The following KNL1 variants were observed in gnomAD, a reference collection of about 807,000 sequenced individuals.
The protein encoded by KNL1 is outer kinetochore KNL1 complex subunit KNL1.
In KNL1, 66 loss-of-function variants were observed where a neutral mutation model predicts 201.3. The observed-to-expected ratio is 0.33, with a 90% CI of 0.27 to 0.40. The LOEUF (loss-of-function observed/expected upper bound fraction) is 0.40, where lower values mean the gene tolerates loss of function less well. KNL1 is among the 10% of genes least tolerant of loss of function. KNL1 has a pLI of 1.00. For synonymous variants in KNL1, 895 were observed against 899.2 expected (o/e 1.00, Z 0.08); for missense variants, 2,815 against 2,690.5 (o/e 1.05, Z -1.02).
chr15:40,607,040 G>C (rs757263404), intron 4 of KNL1, among the ~76,000 whole-genome samples: 1 of 152,204 alleles, frequency 6.6e-6, no homozygotes, highest in Non-Finnish European at 1.5e-5. Context: ...CATTACAGGC[G>C]TGAGCCACTG....
intron 13 of KNL1, among the ~76,000 whole-genome samples, chr15:40,631,525 G>C (rs759239480): frequency 6.6e-6 from 1 of 151,872 alleles, no homozygotes; most frequent in Non-Finnish European, 1.5e-5. Flanking sequence ...ATGTTGCCCA[G>C]ACTGGTCTTG....
At chr15:40,599,547 C>T (rs536582595) in intron 1 of KNL1, among the ~76,000 whole-genome samples, 1 of 151,348 alleles carries the variant, frequency 6.6e-6, no homozygotes, top group East Asian at 2.0e-4. Context: ...CCATACCCGG[C>T]TAAGTTTTGT....
At chr15:40,659,297 A>G (rs781176192) in intron 24 of KNL1, 42 bp from the exon 25 acceptor site, 64 of 1,496,016 alleles carry the variant, frequency 4.3e-5, no homozygotes, top group Non-Finnish European at 5.7e-5. Context: ...GTTTCATGCT[A>G]TTATTTGTTG....
chr15:40,637,323 C>CTT lies in KNL1; in HGVS notation c.5683-3579_5683-3578dup, dbSNP rs71307495. On this transcript the variant is annotated intron_variant, in intron 13 of 25. Coordinates refer to ENST00000399668, the MANE Select transcript of KNL1 (RefSeq NM_144508.5). ...GTGCATGCCCAAATATTTCTCTGCC[C>CTT]TTTTTTTTTTTGTAAATTAATATAG... Among the ~76,000 whole-genome samples the CTT allele has an allele frequency of 3.4e-4, 48 of 141,020 alleles. 1 individual carries two copies. The highest frequency in any genetic ancestry group is 3.6e-3 in the Middle Eastern group (1 of 274). The allele number at this position is 141,020 out of a possible 152,430, so 92.5% of individuals were successfully genotyped here. A position where few individuals can be genotyped will look rare whatever the true frequency, so the allele number is the denominator to read the frequency against.
At chr15:40,596,414 T>C (rs113191009) in intron 1 of KNL1, among the ~76,000 whole-genome samples, 95 of 152,220 alleles carry the variant, frequency 6.2e-4, no homozygotes, top group Non-Finnish European at 1.1e-3. Flanking sequence ...GTAACTGGGA[T>C]TATAGGCACC....
At chr15:40,637,501 A>G (rs1021495414) in intron 13 of KNL1, among the ~76,000 whole-genome samples, 1 of 152,150 alleles carries the variant, frequency 6.6e-6, no homozygotes, top group African/African-American at 2.4e-5. Flanking sequence ...GAGCATCCCT[A>G]ATCCAAAAAA....
rs1893757822 is a variant in KNL1, at chr15:40,657,103, A to G, written c.6546A>G (p.Glu2182=). The G allele has an allele frequency of 1.2e-6, 2 of 1,611,366 alleles. No individual in the cohort carries two copies. The highest frequency in any genetic ancestry group is 1.7e-6 in the Non-Finnish European group (2 of 1,178,618). Residue 2182 remains glutamate (E), a synonymous_variant, in exon 23 of 26, where the codon GAA becomes GAG. Transcript: ENST00000399668. ...AGCTTATTTTCCAGTACGTTGAAGA[A>G]AAGGAATCCTGGAAGAAGACATGTA... ...VHKLIFQYVE[E]KESWKKTCTT... is the part of the protein sequence containing the mutation.
chr15:40,599,122 T>TAAA (rs1891704844), intron 1 of KNL1, among the ~76,000 whole-genome samples: 1 of 149,838 alleles, frequency 6.7e-6, no homozygotes, highest in African/African-American at 2.5e-5. Context: ...AAAAAAAAAT[T>TAAA]TTTTTTAAAC....
intron 25 of KNL1, among the ~76,000 whole-genome samples, chr15:40,660,297 C>T (rs1380772404): frequency 6.6e-6 from 1 of 152,054 alleles, no homozygotes; most frequent in Admixed American, 6.6e-5. Context: ...ATACTCCAAC[C>T]TAAAACATGA....
chr15:40,652,029 G>T lies in KNL1; in HGVS notation c.6339G>T (p.Glu2113Asp). 1.2e-6 allele frequency: 2 copies of T among 1,613,528 alleles called. No homozygotes were observed. The highest frequency in any genetic ancestry group is 1.7e-6 in the Non-Finnish European group (2 of 1,179,552). ...QLSLSEWDVV[E>D]WSDDQAVFTF... ...GCTTGTCTGAGTGGGATGTCGTTGA[G>T]TGGAGTGATGATCAAGCTGTATTCA... The change falls in exon 21 of 26, where the codon GAG becomes GAT. Residue 2113 changes from glutamate to aspartate, a missense_variant. Coordinates refer to ENST00000399668, the MANE Select transcript of KNL1 (RefSeq NM_144508.5).
intron 8 of KNL1, chr15:40,615,839 A>G (rs1261537812): frequency 2.7e-5 from 4 of 147,472 alleles, no homozygotes; most frequent in African/African-American, 1.0e-4. Flanking sequence ...ATCTCAGCTC[A>G]CTGCAACCTC....
At chr15:40,619,328 T>C (rs11070284) in intron 9 of KNL1, among the ~76,000 whole-genome samples, 118,467 of 150,994 alleles carry the variant, frequency 0.78, 47,468 homozygotes, top group Non-Finnish European at 0.85. Context: ...GTGTCCTCAC[T>C]GAGAAAACTG....
In KNL1 at chr15:40,622,810, G is replaced by C. The variant is rs777075428; in HGVS notation, c.2546G>C (p.Gly849Ala). ...GAAAAGCAAAATGTCAAAATTTGGG[G>C]AAGGAAAAGTGTTGGTGGACCAAAA... ...PKEKQNVKIW[G>A]RKSVGGPKID... Residue 849 changes from glycine (G) to alanine (A), a missense_variant, in exon 10 of 26, where the codon GGA becomes GCA. Physicochemically the swap from Gly to Ala is moderately conservative, Grantham distance 60. Coordinates refer to ENST00000399668, the MANE Select transcript of KNL1 (RefSeq NM_144508.5). 4.3e-6 allele frequency: 7 copies of C among 1,612,840 alleles called. No homozygotes were observed.
intron 25 of KNL1, 49 bp from the exon 26 acceptor site, chr15:40,662,025 C>G (rs754479380): frequency 6.6e-6 from 7 of 1,062,518 alleles, no homozygotes; most frequent in Non-Finnish European, 7.2e-6. Context: ...GGCGACAGAG[C>G]GAGACTCCGT....
In KNL1 at chr15:40,624,956, G is replaced by A; in HGVS notation, c.4692G>A (p.Leu1564=). 1 of 1,613,756 alleles carries A rather than the reference G, an allele frequency of 6.2e-7. No individual in the cohort carries two copies. The highest frequency in any genetic ancestry group is 8.5e-7 in the Non-Finnish European group (1 of 1,179,938). Residue 1564 remains leucine, a synonymous_variant, in exon 10 of 26, where the codon TTG becomes TTA. Transcript: ENST00000399668. ...FHSIKPNLNN[L]NGKTGEFLAF... ...GTATCAAACCAAATCTGAATAATTT[G>A]AATGGAAAAACTGGAGAGTTTTTAG...
intron 13 of KNL1, among the ~76,000 whole-genome samples, chr15:40,634,529 G>A (rs931035393): frequency 5.3e-5 from 8 of 152,308 alleles, no homozygotes; most frequent in African/African-American, 1.7e-4. Context: ...ATATTTGAAT[G>A]TGAAAGGTAA....
At chr15:40,649,282 T>G (rs1893485215) in intron 17 of KNL1, among the ~76,000 whole-genome samples, 1 of 151,988 alleles carries the variant, frequency 6.6e-6, no homozygotes. Context: ...TAACCAAACA[T>G]TGCTATTTTT....
At chr15:40,631,263 T>C (rs906774569) in intron 13 of KNL1, among the ~76,000 whole-genome samples, 5 of 151,786 alleles carry the variant, frequency 3.3e-5, no homozygotes, top group South Asian at 4.1e-4. Context: ...GCCAAAAAGG[T>C]TGGGGACTGC....
intron 3 of KNL1, among the ~76,000 whole-genome samples, chr15:40,605,856 T>C (rs950173382): frequency 5.9e-5 from 9 of 152,238 alleles, no homozygotes; most frequent in Non-Finnish European, 1.3e-4. Context: ...ATGACACCAG[T>C]ACTAGGATTT....
Sources: allele counts gnomAD v4.1 joint callset (sites outside exome capture counted in the v4.1 genomes callset), GRCh38; gene constraint gnomAD v4.1.1; transcripts MANE v1.5; gene names NCBI Gene and HGNC (gene_info 2026-07-23, HGNC 2026-07-21).